The following NRXN3 variants were observed in gnomAD, a reference collection of about 807,000 sequenced individuals.
NRXN3 encodes the protein neurexin III.
NRXN3 carries 32 observed loss-of-function variants against 137.6 expected under a neutral mutation model. The ratio of observed to expected loss-of-function variants is 0.23; its 90% confidence interval spans 0.18 to 0.31. The LOEUF is 0.31. NRXN3 is among the 10% of genes least tolerant of loss of function. The pLI is 1.00. For missense variants in NRXN3, 1,574 were observed against 2,062.5 expected (o/e 0.76, Z 4.59); for synonymous variants, 798 against 784.5 (o/e 1.02, Z -0.29).
chr14:79,028,904 G>A (rs968880194), intron 15 of NRXN3, among the ~76,000 whole-genome samples: 4 of 152,100 alleles, frequency 2.6e-5, no homozygotes, highest in African/African-American at 9.7e-5. Context: ...TGTAACTCTT[G>A]TTCCAGACCA....
chr14:79,430,232 C>T (rs937884477), intron 15 of NRXN3, among the ~76,000 whole-genome samples: 5 of 152,130 alleles, frequency 3.3e-5, no homozygotes, highest in South Asian at 2.1e-4. Context: ...CTTAAGACTG[C>T]GTTTGTGAAG....
intron 16 of NRXN3, among the ~76,000 whole-genome samples, chr14:79,609,420 G>A (rs2098070053): frequency 6.6e-6 from 1 of 152,160 alleles, no homozygotes; most frequent in African/African-American, 2.4e-5. Context: ...TAGAAGTTTG[G>A]AGAATAAACA....
At chr14:79,202,089 C>T (rs1169452417) in intron 15 of NRXN3, among the ~76,000 whole-genome samples, 73 of 142,904 alleles carry the variant, frequency 5.1e-4, no homozygotes, top group Admixed American at 6.2e-4. Context: ...TTTTTTTTTT[C>T]CTCAATCAAT....
intron 6 of NRXN3, among the ~76,000 whole-genome samples, chr14:78,682,784 C>T (rs1602371433): frequency 6.6e-6 from 1 of 152,148 alleles, no homozygotes; most frequent in African/African-American, 2.4e-5. Context: ...GGCCATGCTG[C>T]TGATTTGGGT....
At chr14:79,292,565 A>G (rs1178566149) in intron 15 of NRXN3, among the ~76,000 whole-genome samples, 3 of 152,248 alleles carry the variant, frequency 2.0e-5, no homozygotes, top group African/African-American at 7.2e-5. Flanking sequence ...CCAAAAGGCA[A>G]AATTCCAATG....
chr14:79,530,517 A>G (rs2097160028), intron 16 of NRXN3, among the ~76,000 whole-genome samples: 1 of 151,546 alleles, frequency 6.6e-6, no homozygotes, highest in Non-Finnish European at 1.5e-5. Flanking sequence ...CCATCTCTAT[A>G]TGGGCAGTTC....
intron 15 of NRXN3, among the ~76,000 whole-genome samples, chr14:79,153,566 C>G (rs1253790797): frequency 1.3e-5 from 2 of 151,896 alleles, no homozygotes; most frequent in African/African-American, 4.8e-5. Flanking sequence ...ATATCTCAAT[C>G]ACCTTTACTG....
chr14:78,696,709 T>C (rs774779012), intron 6 of NRXN3, among the ~76,000 whole-genome samples: 1 of 152,078 alleles, frequency 6.6e-6, no homozygotes, highest in Non-Finnish European at 1.5e-5. Context: ...CCTGTCCAGG[T>C]GAATTATTAA....
intron 20 of NRXN3, among the ~76,000 whole-genome samples, chr14:79,850,005 T>G (rs1181496220): frequency 6.6e-6 from 1 of 152,206 alleles, no homozygotes; most frequent in African/African-American, 2.4e-5. Flanking sequence ...AGTCAAACTG[T>G]GATTCAGAAA....
rs923159320 is a variant in NRXN3, at chr14:79,279,756, GC to G, written c.3263-187460del. Reference sequence around the variant, plus strand: ...CACCCGAAGAACTCTTCCACCTGCAGCCCCCTTTTGCCTGGCAGTTCTGCAT... The same window carrying G: ...CACCCGAAGAACTCTTCCACCTGCAGCCCCTTTTGCCTGGCAGTTCTGCAT... On this transcript the variant is annotated intron_variant, in intron 15 of 20. Coordinates refer to ENST00000335750, the MANE Select transcript of NRXN3 (RefSeq NM_001330195.2). The G allele has an allele frequency of 5.5e-5, 54 of 987,888 alleles. No individual in the cohort carries two copies. In the Admixed American group the frequency reaches 6.6e-4, roughly 12 times the overall value. 61.2% of individuals were successfully genotyped at this position (987,888 alleles called of 1,614,324 possible). A position where few individuals can be genotyped will look rare whatever the true frequency, so the allele number is the denominator to read the frequency against.
chr14:78,831,967 A>G (rs1431278763), intron 10 of NRXN3, among the ~76,000 whole-genome samples: 1 of 152,116 alleles, frequency 6.6e-6, no homozygotes, highest in Non-Finnish European at 1.5e-5. Context: ...GTGGGGTAAT[A>G]CCAGCATGTT....
At chr14:79,431,087 T>C (rs1388993948) in intron 15 of NRXN3, among the ~76,000 whole-genome samples, 2 of 152,118 alleles carry the variant, frequency 1.3e-5, no homozygotes, top group African/African-American at 4.8e-5. Context: ...ACTGAATGCA[T>C]AGCTGAAAAG....
chr14:78,254,036 A>G (rs1387627880), intron 2 of NRXN3, among the ~76,000 whole-genome samples: 1 of 152,226 alleles, frequency 6.6e-6, no homozygotes, highest in Admixed American at 6.5e-5. Flanking sequence ...GATGCTTCGC[A>G]GGAATTAACC....
At chr14:79,363,002 GA>G (rs1429081185) in intron 15 of NRXN3, among the ~76,000 whole-genome samples, 1 of 133,510 alleles carries the variant, frequency 7.5e-6, no homozygotes, top group African/African-American at 2.9e-5. Context: ...TTTAGAATTG[GA>G]ATTTTTTTTT....
intron 5 of NRXN3, among the ~76,000 whole-genome samples, chr14:78,649,105 T>C (rs2097714097): frequency 6.6e-6 from 1 of 151,916 alleles, no homozygotes; most frequent in Admixed American, 6.6e-5. Context: ...GTCGGGTGCC[T>C]TTTTTTTGAG....
intron 1 of NRXN3, among the ~76,000 whole-genome samples, chr14:78,233,981 G>A (rs1483478386): frequency 2.0e-5 from 3 of 152,180 alleles, no homozygotes; most frequent in Admixed American, 1.3e-4. Context: ...GGGACCTAGT[G>A]GAAAGTAATT....
In NRXN3 at chr14:79,681,962, A is replaced by AT. The variant is rs200942226; in HGVS notation, c.3617-10204dup. Among the ~76,000 whole-genome samples, 827 of 151,778 alleles carry AT rather than the reference A, an allele frequency of 5.4e-3. 10 individuals carry two copies. Among genetic ancestry groups the AT allele is most frequent in the African/African-American group, 0.019 (787 of 41,368 alleles). ...CTTTCTGCCATATCCCAAGCCTTACATTTTTTTCCTTTTTTTCTCTATGTC... is the reference window on the plus strand; with the variant it reads ...CTTTCTGCCATATCCCAAGCCTTACATTTTTTTTCCTTTTTTTCTCTATGTC... On this transcript the variant is annotated intron_variant, in intron 17 of 20. Coordinates refer to ENST00000335750, the MANE Select transcript of NRXN3 (RefSeq NM_001330195.2).
chr14:78,976,767 G>C (rs1192758755), intron 14 of NRXN3, among the ~76,000 whole-genome samples: 1 of 152,172 alleles, frequency 6.6e-6, no homozygotes, highest in African/African-American at 2.4e-5. Flanking sequence ...CAACACAACT[G>C]TGTCAGTGTG....
chr14:79,653,713 T>C (rs1321949103), intron 16 of NRXN3, among the ~76,000 whole-genome samples: 1 of 152,156 alleles, frequency 6.6e-6, no homozygotes, highest in African/African-American at 2.4e-5. Flanking sequence ...TTAGAAAATA[T>C]CTAAGATATA....
Sources: gnomAD v4.1 joint callset for allele counts (sites outside exome capture counted in the v4.1 genomes callset) on GRCh38, gnomAD v4.1.1 for gene constraint, MANE v1.5 for transcripts, NCBI Gene and HGNC (gene_info 2026-07-23, HGNC 2026-07-21) for gene names.